The following OTOGL variants were observed in gnomAD, a reference collection of about 807,000 sequenced individuals.
OTOGL encodes the protein otogelin like.
In OTOGL, 285 loss-of-function variants were observed where a neutral mutation model predicts 318.5. That is an observed-to-expected ratio of 0.89 (90% CI 0.81 to 0.99). The LOEUF (loss-of-function observed/expected upper bound fraction) is 0.99, where lower values mean the gene tolerates loss of function less well. Among genes scored for constraint, OTOGL ranks in the 50% least tolerant of loss-of-function variants. OTOGL has a pLI of 0.00. For missense variants in OTOGL, 2,899 were observed against 2,845.6 expected (o/e 1.02, Z -0.43); for synonymous variants, 987 against 936.5 (o/e 1.05, Z -0.99).
chr12:80,148,088 C>T (rs1198251027), intron 1 of OTOGL, among the ~76,000 whole-genome samples: 2 of 151,448 alleles, frequency 1.3e-5, no homozygotes, highest in African/African-American at 2.4e-5. Flanking sequence ...GAATTTGATC[C>T]TGTCATGATG....
rs1009483673 is a variant in OTOGL, at chr12:80,266,330, C to G, written c.2225-121C>G. Reference sequence around the variant, plus strand: ...CTCTTTGAGCATCCAAGTTAAGGGTCTCCCAATTCCTTGCCTTGTAACAGG... The same window carrying G: ...CTCTTTGAGCATCCAAGTTAAGGGTGTCCCAATTCCTTGCCTTGTAACAGG... On this transcript the variant is annotated intron_variant, in intron 20 of 58. Transcript: ENST00000547103. 3 of 1,000,898 alleles carry G rather than the reference C, an allele frequency of 3.0e-6. No individual in the cohort carries two copies. In the East Asian group the frequency reaches 8.1e-5, roughly 27 times the overall value. 62.0% of individuals were successfully genotyped at this position (1,000,898 alleles called of 1,614,324 possible). A position where few individuals can be genotyped will look rare whatever the true frequency, so the allele number is the denominator to read the frequency against.
chr12:80,109,916 ACT>A (rs1869723806), intron 1 of OTOGL, among the ~76,000 whole-genome samples: 1 of 151,992 alleles, frequency 6.6e-6, no homozygotes. Context: ...TCCCTTACAC[ACT>A]CTTATAATAC....
intron 6 of OTOGL, among the ~76,000 whole-genome samples, chr12:80,221,506 T>C (rs1530839): frequency 0.74 from 111,869 of 151,922 alleles, 42,848 homozygotes; most frequent in East Asian, 1. Context: ...TGAGCTCAGG[T>C]AACCTGCCCA....
intron 1 of OTOGL, among the ~76,000 whole-genome samples, chr12:80,143,562 G>A (rs946135184): frequency 3.3e-5 from 5 of 152,118 alleles, no homozygotes; most frequent in East Asian, 1.9e-4. Context: ...CTGTGGAGTC[G>A]TGTATAGTTC....
rs759096041 is a variant in OTOGL at position 80,265,166 on chromosome 12, A to G, written c.2180A>G (p.Gln727Arg). 6 of 1,613,866 alleles carry G rather than the reference A, an allele frequency of 3.7e-6. No homozygotes were observed. In the South Asian group the frequency reaches 6.6e-5, roughly 18 times the overall value. ...ALAHYAYLCG[Q>R]HGVPIDFRTQ... ...GCCCACTATGCCTACCTCTGCGGCC[A>G]GCACGGTGTTCCCATTGATTTCAGA... Residue 727 changes from glutamine (Q) to arginine (R), a missense_variant, in exon 20 of 59, where the codon CAG (glutamine) becomes CGG (arginine). Coordinates refer to ENST00000547103, the MANE Select transcript of OTOGL (RefSeq NM_001378609.3).
chr12:80,256,521 C>CA (rs1400045363), intron 17 of OTOGL, 61 bp downstream of exon 17: 16 of 1,511,236 alleles, frequency 1.1e-5, no homozygotes, highest in East Asian at 4.9e-5. Context: ...AACAAACAAA[C>CA]AACACACGCA....
chr12:80,311,582 T>C (rs1222043083), intron 30 of OTOGL, among the ~76,000 whole-genome samples: 1 of 152,122 alleles, frequency 6.6e-6, no homozygotes, highest in East Asian at 1.9e-4. Context: ...AATTTTTCTA[T>C]TTTTAGTAGA....
chr12:80,182,672 C>T (rs1592525452), intron 1 of OTOGL, among the ~76,000 whole-genome samples: 1 of 152,000 alleles, frequency 6.6e-6, no homozygotes, highest in African/African-American at 2.4e-5. Flanking sequence ...AGATAGAATG[C>T]AGTAGGGATG....
At chr12:80,226,033 C>T (rs1878807917) in intron 7 of OTOGL, among the ~76,000 whole-genome samples, 2 of 152,094 alleles carry the variant, frequency 1.3e-5, no homozygotes, top group Admixed American at 1.3e-4. Context: ...ATTACTTCAA[C>T]TAATTTAGCT....
intron 1 of OTOGL, among the ~76,000 whole-genome samples, chr12:80,199,310 C>A (rs1001491933): frequency 1.3e-5 from 2 of 152,202 alleles, no homozygotes; most frequent in Non-Finnish European, 2.9e-5. Flanking sequence ...GGTTCTCTGG[C>A]TAACTCCAGT....
intron 1 of OTOGL, among the ~76,000 whole-genome samples, chr12:80,198,285 T>C (rs1364183497): frequency 6.6e-6 from 1 of 152,108 alleles, no homozygotes; most frequent in Non-Finnish European, 1.5e-5. Context: ...AAGCTTCCTA[T>C]CAGTTTAAAA....
intron 1 of OTOGL, among the ~76,000 whole-genome samples, chr12:80,128,351 A>G (rs1281231760): frequency 6.6e-6 from 1 of 152,202 alleles, no homozygotes; most frequent in Non-Finnish European, 1.5e-5. Context: ...GCTGCAGAAC[A>G]GTGGATATTG....
chr12:80,305,778 T>G, intron 29 of OTOGL, 83 bp downstream of exon 29: 1 of 1,095,094 alleles, frequency 9.1e-7, no homozygotes, highest in Non-Finnish European at 1.2e-6. Flanking sequence ...CTTATTTAGG[T>G]AATATTATTT....
At chr12:80,280,980 G>A (rs563059774) in intron 26 of OTOGL, among the ~76,000 whole-genome samples, 19 of 151,396 alleles carry the variant, frequency 1.3e-4, no homozygotes, top group Non-Finnish European at 2.8e-4. Context: ...ATTACATTCT[G>A]GATTTTGCTC....
At chr12:80,338,471 A>G (rs1415523259) in intron 42 of OTOGL, among the ~76,000 whole-genome samples, 1 of 152,078 alleles carries the variant, frequency 6.6e-6, no homozygotes, top group Non-Finnish European at 1.5e-5. Flanking sequence ...TGTCATTGCC[A>G]TTATTTAAAG....
Position 80,336,050 on chromosome 12 carries a change from C to G in OTOGL, c.4510C>G (p.Pro1504Ala). ...WQLYNWSLNC[P>A]KDVEMPDCGF... ...GTTATACAACTGGTCCCTTAATTGC[C>G]CAAAGGACGTGGAAATGCCTGACTG... Residue 1504 changes from proline to alanine, a missense_variant, in exon 39 of 59, where the codon CCA (proline) becomes GCA (alanine). Physicochemically the swap from Pro to Ala is conservative, Grantham distance 27. Transcript: ENST00000547103. The G allele has an allele frequency of 1.3e-6, 2 of 1,598,658 alleles. No individual in the cohort carries two copies. Among genetic ancestry groups the G allele is most frequent in the East Asian group, 4.5e-5 (2 of 44,836 alleles).
In OTOGL at chr12:80,265,174, G is replaced by A; in HGVS notation, c.2188G>A (p.Val730Ile). 2 of 1,613,792 alleles carry A rather than the reference G, an allele frequency of 1.2e-6. No individual in the cohort carries two copies. The highest frequency in any genetic ancestry group is 1.7e-6 in the Non-Finnish European group (2 of 1,179,840). ...HYAYLCGQHG[V>I]PIDFRTQISF... ...TGCCTACCTCTGCGGCCAGCACGGTGTTCCCATTGATTTCAGAACTCAGAT... is the reference window on the plus strand; with the variant it reads ...TGCCTACCTCTGCGGCCAGCACGGTATTCCCATTGATTTCAGAACTCAGAT... The change falls in exon 20 of 59, where the codon GTT becomes ATT. Residue 730 changes from valine to isoleucine, a missense_variant. Transcript: ENST00000547103.
chr12:80,343,252 A>G (rs906611290), intron 44 of OTOGL, among the ~76,000 whole-genome samples: 2 of 152,082 alleles, frequency 1.3e-5, no homozygotes, highest in Non-Finnish European at 2.9e-5. Flanking sequence ...CCAGGCAGAG[A>G]TAACAATGCA....
At chr12:80,236,447 C>A (rs1411083899) in intron 9 of OTOGL, among the ~76,000 whole-genome samples, 4 of 152,078 alleles carry the variant, frequency 2.6e-5, no homozygotes, top group Admixed American at 2.6e-4. Flanking sequence ...CTTTTAGGAC[C>A]CTTGATGCAG....
Sources: gnomAD v4.1 joint callset for allele counts (sites outside exome capture counted in the v4.1 genomes callset) on GRCh38, gnomAD v4.1.1 for gene constraint, MANE v1.5 for transcripts, NCBI Gene and HGNC (gene_info 2026-07-23, HGNC 2026-07-21) for gene names.